PLA2G4A: variants seen among roughly 807,000 people sequenced by gnomAD.
PLA2G4A encodes the protein phospholipase A2 group IVA, also known as cytosolic phospholipase A2.
A neutral mutation model predicts 81.9 loss-of-function variants in PLA2G4A; 40 were observed. The ratio of observed to expected loss-of-function variants is 0.49; its 90% CI spans 0.38 to 0.64. PLA2G4A has a LOEUF of 0.64. Ranked by LOEUF, PLA2G4A falls within the 30% of genes least tolerant of loss-of-function variation. The pLI is 0.00. For missense variants in PLA2G4A, 715 were observed against 905.1 expected (o/e 0.79, Z 2.69); for synonymous variants, 302 against 296.9 (o/e 1.02, Z -0.18).
intron 3 of PLA2G4A, among the ~76,000 whole-genome samples, chr1:186,882,002 T>C (rs569289773): frequency 6.6e-6 from 1 of 152,074 alleles, no homozygotes; most frequent in Non-Finnish European, 1.5e-5. Flanking sequence ...TAGAAGTTAT[T>C]AGTACTGGAA....
chr1:186,947,868 T>C (rs12720632), intron 12 of PLA2G4A, among the ~76,000 whole-genome samples: 2 of 152,142 alleles, frequency 1.3e-5, no homozygotes, highest in African/African-American at 4.8e-5. Context: ...CAGAATAACA[T>C]TGATGACTTT....
intron 7 of PLA2G4A, among the ~76,000 whole-genome samples, chr1:186,929,889 T>A (rs1276673646): frequency 6.6e-6 from 1 of 152,006 alleles, no homozygotes; most frequent in African/African-American, 2.4e-5. Flanking sequence ...TGGTGAAACC[T>A]TGTCTTTACA....
rs1651683719 is a variant in PLA2G4A, at chr1:186,833,878, G to A, written c.-70+4843G>A. 2.0e-5 allele frequency among the ~76,000 whole-genome samples: 3 copies of A among 152,174 alleles called. No individual in the cohort carries two copies. In the South Asian group the frequency reaches 6.2e-4, roughly 31 times the overall value. On this transcript the variant is annotated intron_variant, in intron 1 of 17. Coordinates refer to ENST00000367466, the MANE Select transcript of PLA2G4A (RefSeq NM_024420.3). ...ACTCAGCAGACACCTGACGCTGAAA[G>A]TTATCAGTGTCAGAGTTTAGCCATC...
chr1:186,985,206 A>G lies in PLA2G4A; in HGVS notation c.2119-3171A>G, dbSNP rs114025974. ...GAATGCCCAGTCTTCTGCTCCACTT[A>G]AAAACCCTGCCTGTCCTTTAACTCA... On this transcript the variant is annotated intron_variant, in intron 17 of 17. Transcript: ENST00000367466. Among the ~76,000 whole-genome samples the G allele has an allele frequency of 6.6e-3, 1,010 of 152,204 alleles. 17 individuals are homozygous for G. The highest frequency in any genetic ancestry group is 0.024 in the African/African-American group (977 of 41,522).
chr1:186,912,188 G>T (rs1654968598), intron 7 of PLA2G4A, among the ~76,000 whole-genome samples: 1 of 152,116 alleles, frequency 6.6e-6, no homozygotes. Context: ...TTTTTCTAGT[G>T]ATCTGAGTAT....
At chr1:186,879,613 T>G (rs1204942054) in intron 3 of PLA2G4A, among the ~76,000 whole-genome samples, 1 of 151,970 alleles carries the variant, frequency 6.6e-6, no homozygotes, top group African/African-American at 2.4e-5. Flanking sequence ...TTTCTTCAAC[T>G]GTTAAATGGG....
intron 14 of PLA2G4A, among the ~76,000 whole-genome samples, chr1:186,959,934 G>C (rs1047446653): frequency 2.6e-5 from 4 of 151,242 alleles, no homozygotes; most frequent in African/African-American, 9.7e-5. Flanking sequence ...TAGATATTAG[G>C]TTGGAAAAAT....
intron 1 of PLA2G4A, among the ~76,000 whole-genome samples, chr1:186,834,985 TTC>T (rs1406435827): frequency 1.3e-5 from 2 of 152,222 alleles, no homozygotes; most frequent in Non-Finnish European, 2.9e-5. Flanking sequence ...CAGATACTCC[TTC>T]TCAGGGGTAA....
intron 7 of PLA2G4A, among the ~76,000 whole-genome samples, chr1:186,918,110 C>A (rs1011716943): frequency 6.6e-6 from 1 of 152,146 alleles, no homozygotes; most frequent in Non-Finnish European, 1.5e-5. Context: ...AAGTCTTTTT[C>A]TTCCTTAGAA....
intron 10 of PLA2G4A, among the ~76,000 whole-genome samples, chr1:186,940,820 C>T (rs1299978594): frequency 6.6e-6 from 1 of 152,102 alleles, no homozygotes; most frequent in Non-Finnish European, 1.5e-5. Context: ...TATATAGAGC[C>T]AACTGTATGT....
chr1:186,894,625 T>C (rs1017354600), intron 5 of PLA2G4A, among the ~76,000 whole-genome samples: 13 of 152,128 alleles, frequency 8.5e-5, no homozygotes, highest in Non-Finnish European at 2.9e-5. Flanking sequence ...ATTCAGACTA[T>C]TCCAAAACCA....
At chr1:186,966,720 A>C (rs1657145506) in intron 15 of PLA2G4A, among the ~76,000 whole-genome samples, 1 of 152,222 alleles carries the variant, frequency 6.6e-6, no homozygotes, top group South Asian at 2.1e-4. Flanking sequence ...AACATTCTTT[A>C]GACACAGCTC....
In PLA2G4A at chr1:186,946,885, C is replaced by G. The variant is rs139670416; in HGVS notation, c.1188C>G (p.Ala396=). The G allele has an allele frequency of 6.2e-7, 1 of 1,612,032 alleles. No individual in the cohort carries two copies. Among genetic ancestry groups the G allele is most frequent in the Non-Finnish European group, 8.5e-7 (1 of 1,178,298 alleles). The change falls in exon 12 of 18, where the codon GCC becomes GCG. Residue 396 remains alanine, a synonymous_variant. Coordinates refer to ENST00000367466, the MANE Select transcript of PLA2G4A (RefSeq NM_024420.3). ...TTATTTTAGGTGTCTGGGGCAGTGCCTTTTCCATATTGTTCAACAGAGTTT... is the reference window on the plus strand; with the variant it reads ...TTATTTTAGGTGTCTGGGGCAGTGCGTTTTCCATATTGTTCAACAGAGTTT... ...LHFLMGVWGS[A]FSILFNRVLG...
At chr1:186,886,737 T>A (rs748511069) in intron 3 of PLA2G4A, among the ~76,000 whole-genome samples, 12 of 152,200 alleles carry the variant, frequency 7.9e-5, no homozygotes, top group Non-Finnish European at 2.9e-5. Flanking sequence ...TTTGAAAATG[T>A]ATTTTATGTC....
chr1:186,830,990 CTT>C (rs1269042173), intron 1 of PLA2G4A, among the ~76,000 whole-genome samples: 2 of 146,708 alleles, frequency 1.4e-5, no homozygotes, highest in Admixed American at 6.8e-5. Flanking sequence ...TTCTTTCTTT[CTT>C]TCTTTCTTTC....
intron 2 of PLA2G4A, among the ~76,000 whole-genome samples, chr1:186,857,143 T>TTATATATAATTA (rs1652596160): frequency 7.5e-5 from 3 of 39,886 alleles, no homozygotes; most frequent in African/African-American, 4.8e-4. Context: ...TATTATATAA[T>TTATATATAATTA]TATATAATTA....
intron 1 of PLA2G4A, among the ~76,000 whole-genome samples, chr1:186,851,385 GA>G (rs35339490): frequency 0.19 from 29,073 of 151,832 alleles, 2,952 homozygotes; most frequent in Middle Eastern, 0.26. Context: ...AATCACTTCT[GA>G]GGGGAAATGA....
chr1:186,930,121 C>T (rs192543634), intron 7 of PLA2G4A, among the ~76,000 whole-genome samples: 11 of 152,104 alleles, frequency 7.2e-5, no homozygotes, highest in Admixed American at 2.6e-4. Flanking sequence ...AACAAACAAA[C>T]GGAGTAATAG....
At chr1:186,907,292 C>T (rs1047296052) in intron 6 of PLA2G4A, among the ~76,000 whole-genome samples, 2 of 152,120 alleles carry the variant, frequency 1.3e-5, no homozygotes, top group African/African-American at 4.8e-5. Context: ...TCCCTCTAGT[C>T]GTACATCTAT....
Sources: gnomAD v4.1 joint callset for allele counts (sites outside exome capture counted in the v4.1 genomes callset) on GRCh38, gnomAD v4.1.1 for gene constraint, MANE v1.5 for transcripts, NCBI Gene and HGNC (gene_info 2026-07-23, HGNC 2026-07-21) for gene names.